RAP1A: variants seen among roughly 807,000 people sequenced by gnomAD.
RAP1A encodes the protein ras-related protein Rap-1A.
RAP1A carries 6 observed loss-of-function variants against 26.4 expected under a neutral mutation model. That is an observed-to-expected ratio of 0.23 (90% CI 0.12 to 0.45). The LOEUF (loss-of-function observed/expected upper bound fraction) is 0.45. Ranked by LOEUF, RAP1A falls within the 20% of genes least tolerant of loss-of-function variation. RAP1A has a pLI of 0.99. For synonymous variants in RAP1A, 73 were observed against 79.4 expected (o/e 0.92, Z 0.43); for missense variants, 121 against 217.2 (o/e 0.56, Z 2.78).
chr1:111,565,899 G>A (rs1016089695), intron 1 of RAP1A, among the ~76,000 whole-genome samples: 3 of 152,068 alleles, frequency 2.0e-5, no homozygotes, highest in Non-Finnish European at 2.9e-5. Flanking sequence ...TAAACTCAAA[G>A]TGGAAGAGAC....
chr1:111,690,502 G>A (rs2101242934), intron 1 of RAP1A, among the ~76,000 whole-genome samples: 1 of 152,310 alleles, frequency 6.6e-6, no homozygotes, highest in East Asian at 1.9e-4. Flanking sequence ...AATGCCTCTA[G>A]GCAGAAAGCC....
chr1:111,690,124 C>T (rs771697245), intron 1 of RAP1A, among the ~76,000 whole-genome samples: 2 of 152,062 alleles, frequency 1.3e-5, no homozygotes, highest in Non-Finnish European at 2.9e-5. Context: ...TTGAGTTACA[C>T]GTGGATCAAC....
intron 2 of RAP1A, among the ~76,000 whole-genome samples, chr1:111,694,012 C>T (rs1392596328): frequency 6.6e-6 from 1 of 151,934 alleles, no homozygotes; most frequent in African/African-American, 2.4e-5. Context: ...CCTTAGCTAC[C>T]CAAGTAGCTG....
At chr1:111,699,488 GTC>G (rs1393397277) in intron 4 of RAP1A, among the ~76,000 whole-genome samples, 1 of 126,062 alleles carries the variant, frequency 7.9e-6, no homozygotes, top group Non-Finnish European at 1.6e-5. Flanking sequence ...TTGAAACAGG[GTC>G]TCTCTCTGTC....
At chr1:111,638,552 G>A (rs1386571705) in intron 1 of RAP1A, among the ~76,000 whole-genome samples, 1 of 152,140 alleles carries the variant, frequency 6.6e-6, no homozygotes, top group Non-Finnish European at 1.5e-5. Context: ...AGCCTCCTGA[G>A]TAGCTGGGAC....
intron 1 of RAP1A, among the ~76,000 whole-genome samples, chr1:111,655,840 ATTTTTTTGTTTG>A (rs1461371678): frequency 1.3e-5 from 2 of 151,294 alleles, no homozygotes; most frequent in Non-Finnish European, 2.9e-5. Flanking sequence ...CGCCTGGCTA[ATTTTTTTGTTTG>A]TTTTTTTGTT....
chr1:111,696,784 TTC>T (rs1462635958), intron 3 of RAP1A, among the ~76,000 whole-genome samples: 3 of 152,208 alleles, frequency 2.0e-5, no homozygotes, highest in Non-Finnish European at 4.4e-5. Flanking sequence ...CAACCTTCTT[TTC>T]TTTTATAAGA....
At chr1:111,649,841 A>C (rs1660205896) in intron 1 of RAP1A, among the ~76,000 whole-genome samples, 1 of 152,180 alleles carries the variant, frequency 6.6e-6, no homozygotes, top group Non-Finnish European at 1.5e-5. Flanking sequence ...GAATGCTTTT[A>C]TGCACTGGGT....
intron 1 of RAP1A, among the ~76,000 whole-genome samples, chr1:111,620,237 A>C (rs1353654910): frequency 6.6e-6 from 1 of 152,174 alleles, no homozygotes; most frequent in East Asian, 1.9e-4. Flanking sequence ...GAAAGAGGAC[A>C]TTGTGTCCCC....
intron 1 of RAP1A, among the ~76,000 whole-genome samples, chr1:111,652,738 A>G (rs1660314180): frequency 6.6e-6 from 1 of 152,212 alleles, no homozygotes; most frequent in Non-Finnish European, 1.5e-5. Flanking sequence ...GCCAGGATGT[A>G]GAGAGATTGG....
rs375661290 is a variant in RAP1A, at chr1:111,592,918, G to C, written c.-28+50409G>C. 7.9e-5 allele frequency among the ~76,000 whole-genome samples: 12 copies of C among 152,274 alleles called. 1 individual carries two copies. Among genetic ancestry groups the C allele is most frequent in the East Asian group, 5.8e-4 (3 of 5,186 alleles). On this transcript the variant is annotated intron_variant, in intron 1 of 7. Coordinates refer to the RAP1A transcript ENST00000356415. ...AGAGTAATGAACCCAAAATACCTAA[G>C]TAACAAATGAGTCACCACACTTCCA...
At chr1:111,608,683 G>T (rs1027302204) in intron 1 of RAP1A, 1 of 164,524 alleles carries the variant, frequency 6.1e-6, no homozygotes, top group Non-Finnish European at 1.3e-5. Context: ...CGGATCACTC[G>T]CGGCTAGGAG....
At chr1:111,547,599 A>G (rs1418029546) in intron 1 of RAP1A, among the ~76,000 whole-genome samples, 2 of 152,186 alleles carry the variant, frequency 1.3e-5, no homozygotes, top group East Asian at 3.8e-4. Context: ...GGGTCCTGGA[A>G]ATCTGACGTC....
intron 1 of RAP1A, among the ~76,000 whole-genome samples, chr1:111,557,547 TA>T (rs894631270): frequency 1.9e-4 from 28 of 145,452 alleles, no homozygotes; most frequent in Non-Finnish European, 2.3e-4. Flanking sequence ...GAGACTCCAT[TA>T]AAAAAAAAAA....
At chr1:111,697,689 C>T (rs1661879343) in intron 4 of RAP1A, among the ~76,000 whole-genome samples, 192 bp downstream of exon 4, 1 of 152,030 alleles carries the variant, frequency 6.6e-6, no homozygotes, top group Admixed American at 6.6e-5. Flanking sequence ...TCACAAAGTT[C>T]ACCTGTAATA....
chr1:111,574,360 C>T (rs1281438872), intron 1 of RAP1A, among the ~76,000 whole-genome samples: 1 of 152,204 alleles, frequency 6.6e-6, no homozygotes, highest in Non-Finnish European at 1.5e-5. Context: ...GTTACTCTAG[C>T]TCTGCAGCAT....
intron 1 of RAP1A, among the ~76,000 whole-genome samples, chr1:111,581,812 A>T (rs1658262935): frequency 6.6e-6 from 1 of 152,232 alleles, no homozygotes; most frequent in South Asian, 2.1e-4. Flanking sequence ...GGAAGATGGG[A>T]ATAGAGAAAT....
At chr1:111,648,658 C>A (rs761999544) in intron 1 of RAP1A, 1 of 527,542 alleles carries the variant, frequency 1.9e-6, no homozygotes, top group South Asian at 1.7e-5. Context: ...GAGTCCAGGT[C>A]AATCTTTAAG....
At chr1:111,555,520 T>A (rs979186680) in intron 1 of RAP1A, among the ~76,000 whole-genome samples, 1 of 151,934 alleles carries the variant, frequency 6.6e-6, no homozygotes, top group Non-Finnish European at 1.5e-5. Context: ...AATTGAAGAA[T>A]AGCTGAAGAA....
Sources: gnomAD v4.1 joint callset for allele counts (sites outside exome capture counted in the v4.1 genomes callset) on GRCh38, gnomAD v4.1.1 for gene constraint, MANE v1.5 for transcripts, NCBI Gene and HGNC (gene_info 2026-07-23, HGNC 2026-07-21) for gene names.